EDA: variants seen among roughly 807,000 people sequenced by gnomAD.
The protein encoded by EDA is ectodysplasin A, also known as ectodysplasin-A.
Under a neutral mutation model 23.6 loss-of-function variants are expected in EDA, and 2 were observed. The ratio of observed to expected loss-of-function variants is 0.08; its 90% confidence interval spans 0.03 to 0.27. EDA has a LOEUF of 0.27. Ranked by LOEUF, EDA falls within the 10% of genes least tolerant of loss-of-function variation. EDA has a pLI of 1.00. For missense variants in EDA, 229 were observed against 324.2 expected, an observed-to-expected ratio of 0.71 and a Z score of 2.26; for synonymous variants, 131 against 132.0, an observed-to-expected ratio of 0.99 and a Z score of 0.05.
intron 1 of EDA, among the ~76,000 whole-genome samples, chrX:69,866,156 G>T (rs1395523605): frequency 9.0e-6 from 1 of 111,318 alleles, no homozygotes; most frequent in Non-Finnish European, 1.9e-5. Flanking sequence ...TTCCTGGAGG[G>T]TCTGGGTCAT....
intron 1 of EDA, among the ~76,000 whole-genome samples, chrX:69,889,021 T>TATATATATATATATATATATA (rs58327577): frequency 5.4e-5 from 4 of 73,578 alleles, no homozygotes; most frequent in East Asian, 5.2e-4. Context: ...TATATATATA[T>TATATATATATATATATATATA]TATGTTTTTC....
intron 1 of EDA, among the ~76,000 whole-genome samples, chrX:69,667,126 T>C (rs1322154633): frequency 1.9e-5 from 2 of 104,792 alleles, no homozygotes; most frequent in African/African-American, 3.5e-5. Flanking sequence ...TTTCTTTTTT[T>C]TTTTTTTTTG....
intron 1 of EDA, chrX:69,621,082 G>A: frequency 4.6e-6 from 1 of 215,162 alleles, no homozygotes; most frequent in Admixed American, 7.2e-5. Flanking sequence ...AAAGCTTCCT[G>A]TAATATATTG....
intron 1 of EDA, among the ~76,000 whole-genome samples, chrX:69,880,819 T>C (rs1017625798): frequency 8.9e-6 from 1 of 112,169 alleles, no homozygotes; most frequent in African/African-American, 3.2e-5. Flanking sequence ...TCCTTTCTTT[T>C]GGGAAATTTT....
At chrX:69,861,387 T>C (rs1257797373) in intron 1 of EDA, among the ~76,000 whole-genome samples, 2 of 111,619 alleles carry the variant, frequency 1.8e-5, no homozygotes, top group African/African-American at 3.3e-5. Flanking sequence ...CTGTAAATTC[T>C]AGGGTGAACA....
At chrX:69,753,356 G>A (rs1051194280) in intron 1 of EDA, among the ~76,000 whole-genome samples, 2 of 112,064 alleles carry the variant, frequency 1.8e-5, no homozygotes, top group Admixed American at 9.4e-5. Flanking sequence ...TTCAGGAGCA[G>A]GTTGTTCAGT....
At chrX:69,632,784 A>C (rs1932651401) in intron 1 of EDA, among the ~76,000 whole-genome samples, 1 of 111,864 alleles carries the variant, frequency 8.9e-6, no homozygotes, top group Admixed American at 9.5e-5. Flanking sequence ...CCATAGAGGA[A>C]ATGTGTTCCT....
intron 1 of EDA, among the ~76,000 whole-genome samples, chrX:69,711,431 C>T (rs1269868487): frequency 1.8e-5 from 2 of 111,604 alleles, no homozygotes; most frequent in Admixed American, 9.6e-5. Flanking sequence ...CGATGTACAT[C>T]AGGGATATTG....
chrX:69,909,082 G>A (rs1420621467), intron 1 of EDA, among the ~76,000 whole-genome samples: 7 of 111,223 alleles, frequency 6.3e-5, no homozygotes, highest in Non-Finnish European at 1.1e-4. Flanking sequence ...GGGAAAGTCA[G>A]TAATCCTGAA....
At chrX:69,931,782 G>A (rs1017517662) in intron 1 of EDA, among the ~76,000 whole-genome samples, 2 of 111,708 alleles carry the variant, frequency 1.8e-5, no homozygotes, top group African/African-American at 6.5e-5. Context: ...AAATAGTTTG[G>A]CAGTTTCTTA....
chrX:69,903,700 T>A (rs937623970), intron 1 of EDA, among the ~76,000 whole-genome samples: 66 of 110,386 alleles, frequency 6.0e-4, no homozygotes, highest in African/African-American at 1.6e-3. Flanking sequence ...GACTTTTTTT[T>A]AAAAAAAGTA....
At chrX:69,848,389 T>C (rs759258198) in intron 1 of EDA, among the ~76,000 whole-genome samples, 1 of 111,326 alleles carries the variant, frequency 9.0e-6, no homozygotes, top group South Asian at 3.8e-4. Context: ...TGCTGAAGGG[T>C]CTTACTAGAT....
At chrX:70,009,910 A>C (rs2019853223) in intron 2 of EDA, among the ~76,000 whole-genome samples, 2 of 112,220 alleles carry the variant, frequency 1.8e-5, no homozygotes, top group South Asian at 7.4e-4. Context: ...TTAAATCACC[A>C]AGTAGTTTGG....
chrX:70,029,659 TGACG>T (rs2020171437), intron 5 of EDA, 121 bp downstream of exon 5: 11 of 783,517 alleles, frequency 1.4e-5, no homozygotes, highest in Non-Finnish European at 2.1e-5. Flanking sequence ...CCGGAGATTC[TGACG>T]GTTTTCACTC....
intron 1 of EDA, among the ~76,000 whole-genome samples, chrX:69,684,022 A>G (rs922221180): frequency 1.2e-4 from 14 of 112,429 alleles, no homozygotes; most frequent in Non-Finnish European, 1.3e-4. Context: ...CTGGAATTCA[A>G]TGATCTAGTA....
At chrX:69,998,671 A>T (rs990448310) in intron 2 of EDA, among the ~76,000 whole-genome samples, 4 of 111,830 alleles carry the variant, frequency 3.6e-5, no homozygotes, top group Non-Finnish European at 7.5e-5. Context: ...GTACTCCCAT[A>T]ATTCCCATGT....
chrX:69,721,639 A>T (rs2012585932), intron 1 of EDA, among the ~76,000 whole-genome samples: 1 of 110,683 alleles, frequency 9.0e-6, no homozygotes, highest in Non-Finnish European at 1.9e-5. Flanking sequence ...GATTTAGGAG[A>T]GGAATGAGCC....
chrX:69,964,307 G>T (rs1234998392), intron 2 of EDA, among the ~76,000 whole-genome samples: 1 of 109,950 alleles, frequency 9.1e-6, no homozygotes, highest in African/African-American at 3.3e-5. Flanking sequence ...GTTTTTTTTT[G>T]AAGCATGCAT....
intron 1 of EDA, among the ~76,000 whole-genome samples, chrX:69,755,562 G>A (rs897681733): frequency 8.9e-6 from 1 of 111,893 alleles, no homozygotes; most frequent in African/African-American, 3.3e-5. Flanking sequence ...CAAACTCCAT[G>A]TTGGGAGAAC....
Sources: allele counts gnomAD v4.1 joint callset (sites outside exome capture counted in the v4.1 genomes callset), GRCh38; gene constraint gnomAD v4.1.1; transcripts MANE v1.5; gene names NCBI Gene and HGNC (gene_info 2026-07-23, HGNC 2026-07-21).